Variants in RYR2 observed in about 807,000 individuals in gnomAD.
RYR2 encodes ryanodine receptor 2, also known as cardiac muscle ryanodine receptor-calcium release channel.
In RYR2, 227 loss-of-function variants were observed where a neutral mutation model predicts 601.1. That is an observed-to-expected ratio of 0.38 (90% CI 0.34 to 0.42). The LOEUF (loss-of-function observed/expected upper bound fraction) is 0.42. Ranked by LOEUF, RYR2 falls within the 10% of genes least tolerant of loss-of-function variation. The probability of loss-of-function intolerance (pLI) is 1.00; values close to 1 mark genes in which losing one functional copy is unlikely to be tolerated. For missense variants in RYR2, 4,646 were observed against 6,156.5 expected, an observed-to-expected ratio of 0.75 and a Z score of 8.21; for synonymous variants, 2,223 against 2,175.1, an observed-to-expected ratio of 1.02 and a Z score of -0.61.
intron 27 of RYR2, among the ~76,000 whole-genome samples, chr1:237,565,139 C>A (rs199852415): frequency 3.9e-5 from 2 of 51,770 alleles, no homozygotes; most frequent in Non-Finnish European, 1.0e-4. Context: ...TTCTTTCTTT[C>A]TTTTTCTTTC....
At chr1:237,303,687 G>T (rs144105756) in intron 2 of RYR2, among the ~76,000 whole-genome samples, 2,225 of 152,190 alleles carry the variant, frequency 0.015, 36 homozygotes, top group South Asian at 0.075. Flanking sequence ...ATATACATAT[G>T]TACCTTTTTC....
chr1:237,459,407 T>C (rs539407234), intron 16 of RYR2, among the ~76,000 whole-genome samples: 59 of 152,316 alleles, frequency 3.9e-4, no homozygotes, highest in Non-Finnish European at 6.5e-4. Flanking sequence ...CAACCACCTC[T>C]AAATTTTAAA....
intron 6 of RYR2, 137 bp from the exon 7 acceptor site, chr1:237,374,580 C>G: frequency 1.5e-6 from 1 of 682,516 alleles, no homozygotes; most frequent in Non-Finnish European, 2.7e-6. Flanking sequence ...ACTGCTTGAG[C>G]CCAGGAGGTT....
At chr1:237,136,581 T>C (rs1207654718) in intron 1 of RYR2, among the ~76,000 whole-genome samples, 1 of 152,188 alleles carries the variant, frequency 6.6e-6, no homozygotes, top group African/African-American at 2.4e-5. Context: ...TGTTGAATGC[T>C]TGGATCTTTC....
intron 29 of RYR2, among the ~76,000 whole-genome samples, chr1:237,574,002 G>T (rs2618677): frequency 6.6e-6 from 1 of 151,782 alleles, no homozygotes; most frequent in Non-Finnish European, 1.5e-5. Flanking sequence ...TCAAAACCAC[G>T]CTTACATGGT....
In RYR2 at chr1:237,550,380, G is replaced by C. The variant is rs187783122; in HGVS notation, c.3067-164G>C. Among the ~76,000 whole-genome samples the C allele has an allele frequency of 3.6e-4, 55 of 152,258 alleles. 2 individuals carry two copies. The East Asian group carries it at 9.3e-3, about 26-fold the overall frequency. ...GCGCTTATTCATTTGATTGAATCCTGTATATTGATAGTGTTTTGGTAACTT... is the reference window on the plus strand; with the variant it reads ...GCGCTTATTCATTTGATTGAATCCTCTATATTGATAGTGTTTTGGTAACTT... On this transcript the variant is annotated intron_variant, in intron 26 of 104. Transcript: ENST00000366574.
intron 96 of RYR2, among the ~76,000 whole-genome samples, chr1:237,796,860 C>T (rs1394015730): frequency 2.0e-5 from 3 of 152,072 alleles, no homozygotes; most frequent in Non-Finnish European, 4.4e-5. Context: ...TTTCAGCTCA[C>T]TGCAATCTCC....
rs576668478 is a variant in RYR2, at chr1:237,494,938, A to C, written c.1962-1573A>C. Among the ~76,000 whole-genome samples, 105 of 151,510 alleles carry C rather than the reference A, an allele frequency of 6.9e-4. 1 individual carries two copies. The highest frequency in any genetic ancestry group is 3.4e-3 in the Middle Eastern group (1 of 290). ...CCTGAGTAGCTGGGATTACAGGTGC[A>C]CACCACCACACCCAGCTAATTTTTG... On this transcript the variant is annotated intron_variant, in intron 19 of 104. Coordinates refer to ENST00000366574, the MANE Select transcript of RYR2 (RefSeq NM_001035.3).
At position 237,057,045 on chromosome 1, in the gene RYR2, T is replaced by C. The variant is rs952201176; in HGVS notation, c.48+14476T>C. The stretch of plus-strand genomic sequence containing the variant: ...AAGGCACAAAGCTAGAAGTGTGGAT[T>C]TAGTGTTTTGGAGAGAGGAGTGACC... On this transcript the variant is annotated intron_variant, in intron 1 of 104. Transcript: ENST00000366574. 2.0e-5 allele frequency among the ~76,000 whole-genome samples: 3 copies of C among 152,080 alleles called. No homozygotes were observed. In the East Asian group the frequency reaches 5.8e-4, roughly 29 times the overall value.
chr1:237,118,889 C>CT (rs1048856178), intron 1 of RYR2, among the ~76,000 whole-genome samples: 60 of 148,560 alleles, frequency 4.0e-4, no homozygotes, highest in Middle Eastern at 3.5e-3. Context: ...ACTACTTAGT[C>CT]TTTTTTTTTT....
chr1:237,636,367 G>A (rs1451573150), intron 44 of RYR2, among the ~76,000 whole-genome samples: 2 of 152,106 alleles, frequency 1.3e-5, no homozygotes, highest in Non-Finnish European at 2.9e-5. Context: ...ACATGAAAGA[G>A]TGAAACTCTT....
chr1:237,294,482 G>A (rs1692551758), intron 2 of RYR2, among the ~76,000 whole-genome samples: 1 of 151,770 alleles, frequency 6.6e-6, no homozygotes, highest in Admixed American at 6.6e-5. Flanking sequence ...TCAATACAGT[G>A]GCTTTAATTC....
intron 5 of RYR2, among the ~76,000 whole-genome samples, chr1:237,365,721 AT>A (rs1364510188): frequency 1.3e-5 from 2 of 152,318 alleles, no homozygotes; most frequent in Non-Finnish European, 2.9e-5. Context: ...TGCTGTATTC[AT>A]TTTATCATCT....
intron 101 of RYR2, among the ~76,000 whole-genome samples, chr1:237,823,835 T>G (rs1029546464): frequency 2.6e-5 from 4 of 151,786 alleles, no homozygotes; most frequent in African/African-American, 9.7e-5. Context: ...AATAAAAAAT[T>G]ATAAAGGGGA....
intron 1 of RYR2, among the ~76,000 whole-genome samples, chr1:237,161,053 C>G (rs1558342988): frequency 6.6e-6 from 1 of 151,954 alleles, no homozygotes; most frequent in Non-Finnish European, 1.5e-5. Context: ...CTAAATAATT[C>G]TTTGGATGGC....
chr1:237,327,615 C>CT (rs1017562548), intron 2 of RYR2, among the ~76,000 whole-genome samples: 10 of 152,254 alleles, frequency 6.6e-5, no homozygotes, highest in African/African-American at 2.4e-4. Context: ...TTTTCAAACA[C>CT]TATTTGTGCG....
At chr1:237,758,203 T>C (rs1407409692) in intron 82 of RYR2, among the ~76,000 whole-genome samples, 1 of 152,174 alleles carries the variant, frequency 6.6e-6, no homozygotes, top group Admixed American at 6.5e-5. Context: ...AAATAATGTC[T>C]CCTGCTTATG....
intron 1 of RYR2, among the ~76,000 whole-genome samples, chr1:237,207,144 CA>C (rs5781942): frequency 0.56 from 77,540 of 137,790 alleles, 20,598 homozygotes; most frequent in South Asian, 0.62. Flanking sequence ...CTGTCTCTAC[CA>C]AAAAAAAAAA....
At chr1:237,799,241 C>T (rs553732983) in intron 97 of RYR2, among the ~76,000 whole-genome samples, 10 of 152,070 alleles carry the variant, frequency 6.6e-5, no homozygotes, top group African/African-American at 1.4e-4. Context: ...AATGAAACAC[C>T]GATGGGCAAT....
Sources: gnomAD v4.1 joint callset for allele counts (sites outside exome capture counted in the v4.1 genomes callset) on GRCh38, gnomAD v4.1.1 for gene constraint, MANE v1.5 for transcripts, NCBI Gene and HGNC (gene_info 2026-07-23, HGNC 2026-07-21) for gene names.